Variants in SDK1 observed in about 807,000 individuals in gnomAD.
SDK1 encodes protein sidekick-1.
SDK1 carries 157 observed loss-of-function variants against 245.5 expected under a neutral mutation model. That is an observed-to-expected ratio of 0.64 (90% CI 0.56 to 0.73). The LOEUF (loss-of-function observed/expected upper bound fraction) is 0.73, where lower values mean the gene tolerates loss of function less well. Ranked by LOEUF, SDK1 falls within the 30% of genes least tolerant of loss-of-function variation. The pLI, the probability that SDK1 is intolerant of heterozygous loss-of-function variation, is 0.00. For synonymous variants in SDK1, 1,647 were observed against 1,278.5 expected (o/e 1.29, Z -6.15); for missense variants, 3,583 against 3,002.3 (o/e 1.19, Z -4.52).
At position 3,696,572 on chromosome 7, in the gene SDK1, TTGTGTG is replaced by T. The variant is rs71552319; in HGVS notation, c.713+54491_713+54496del. Among the ~76,000 whole-genome samples the T allele has an allele frequency of 2.2e-4, 32 of 147,974 alleles. No homozygotes were observed. In the East Asian group the frequency reaches 2.4e-3, roughly 11 times the overall value. On this transcript the variant is annotated intron_variant, in intron 4 of 44. Coordinates refer to ENST00000404826, the MANE Select transcript of SDK1 (RefSeq NM_152744.4). ...TCACAGAGCTTACATTTCTCTGTGTTTGTGTGTGTGTGTGTGTGTGTGTGTGTGTTG... is the reference window on the plus strand; with the variant it reads ...TCACAGAGCTTACATTTCTCTGTGTTTGTGTGTGTGTGTGTGTGTGTGTTG...
At chr7:3,848,877 G>C (rs1780347742) in intron 5 of SDK1, among the ~76,000 whole-genome samples, 1 of 152,118 alleles carries the variant, frequency 6.6e-6, no homozygotes, top group Non-Finnish European at 1.5e-5. Flanking sequence ...TCGCCATGTT[G>C]ACCAGGCTGG....
chr7:3,349,825 AT>A (rs1780609963), intron 1 of SDK1, among the ~76,000 whole-genome samples: 2 of 151,940 alleles, frequency 1.3e-5, no homozygotes, highest in South Asian at 4.2e-4. Context: ...GATGGTCTCG[AT>A]CTCCTGACCT....
chr7:4,232,778 C>A (rs1383631529), intron 40 of SDK1: 1 of 153,126 alleles, frequency 6.5e-6, no homozygotes, highest in Non-Finnish European at 1.5e-5. Flanking sequence ...TGATTCTTTA[C>A]AACAAATCTC....
intron 1 of SDK1, among the ~76,000 whole-genome samples, chr7:3,518,896 A>G (rs1424259507): frequency 6.6e-6 from 1 of 152,140 alleles, no homozygotes; most frequent in Non-Finnish European, 1.5e-5. Context: ...GAAGTAACCC[A>G]TGTCCAACAA....
At chr7:4,242,706 G>T (rs560519957) in intron 43 of SDK1, among the ~76,000 whole-genome samples, 3 of 152,320 alleles carry the variant, frequency 2.0e-5, no homozygotes, top group African/African-American at 7.2e-5. Flanking sequence ...ACTCACCTTG[G>T]ATTAGACTCA....
intron 20 of SDK1, among the ~76,000 whole-genome samples, chr7:4,069,746 G>A (rs987474231): frequency 6.6e-6 from 1 of 152,250 alleles, no homozygotes; most frequent in Non-Finnish European, 1.5e-5. Flanking sequence ...GATGACAGCG[G>A]CAATGATGAC....
chr7:3,662,241 G>A lies in SDK1; in HGVS notation c.713+20136G>A, dbSNP rs547707909. On this transcript the variant is annotated intron_variant, in intron 4 of 44. Coordinates refer to ENST00000404826, the MANE Select transcript of SDK1 (RefSeq NM_152744.4). ...GGATCAGTGTTGAAATGGGTCCTACGGGAAAAGTTGTAACTAAGTTATGCA... is the reference window on the plus strand; with the variant it reads ...GGATCAGTGTTGAAATGGGTCCTACAGGAAAAGTTGTAACTAAGTTATGCA... Among the ~76,000 whole-genome samples, 5 of 152,206 alleles carry A rather than the reference G, an allele frequency of 3.3e-5. No individual in the cohort carries two copies. In the East Asian group the frequency reaches 7.7e-4, roughly 24 times the overall value.
intron 4 of SDK1, among the ~76,000 whole-genome samples, chr7:3,682,115 T>C (rs1313505487): frequency 6.6e-6 from 1 of 152,226 alleles, no homozygotes; most frequent in African/African-American, 2.4e-5. Context: ...GTGAAGATTA[T>C]GATGCTAAAA....
intron 1 of SDK1, among the ~76,000 whole-genome samples, chr7:3,438,438 A>G (rs1329864606): frequency 1.3e-5 from 2 of 152,178 alleles, no homozygotes; most frequent in African/African-American, 4.8e-5. Context: ...AAGCTTCATA[A>G]ATGTTACGTT....
chr7:3,696,530 G>C (rs1484253836), intron 4 of SDK1, among the ~76,000 whole-genome samples: 1 of 151,008 alleles, frequency 6.6e-6, no homozygotes, highest in African/African-American at 2.4e-5. Flanking sequence ...GTAATATGTA[G>C]TCCAACTTTC....
intron 8 of SDK1, among the ~76,000 whole-genome samples, chr7:3,962,265 C>G (rs1423079664): frequency 6.6e-6 from 1 of 152,230 alleles, no homozygotes; most frequent in Non-Finnish European, 1.5e-5. Context: ...TGTCCTCTGC[C>G]CCTATGACCC....
intron 2 of SDK1, among the ~76,000 whole-genome samples, chr7:3,631,146 C>G (rs902733473): frequency 6.6e-6 from 1 of 152,144 alleles, no homozygotes; most frequent in African/African-American, 2.4e-5. Flanking sequence ...GTTGCCCAGG[C>G]TGGTCTCGAA....
intron 1 of SDK1, among the ~76,000 whole-genome samples, chr7:3,573,046 C>T (rs140279807): frequency 3.3e-5 from 5 of 152,140 alleles, no homozygotes; most frequent in African/African-American, 1.2e-4. Context: ...TTTATGCAGC[C>T]CAGGCACAGC....
intron 9 of SDK1, among the ~76,000 whole-genome samples, chr7:3,966,624 T>G (rs1243879354): frequency 1.3e-5 from 2 of 152,128 alleles, no homozygotes; most frequent in African/African-American, 2.4e-5. Flanking sequence ...GAACAGATCC[T>G]AGAAAGCATC....
At chr7:4,139,028 C>T (rs1414595370) in intron 28 of SDK1, among the ~76,000 whole-genome samples, 2 of 152,242 alleles carry the variant, frequency 1.3e-5, no homozygotes, top group Non-Finnish European at 2.9e-5. Context: ...CGCTGAGAGG[C>T]AGTGGGCGCA....
At chr7:4,195,570 G>A (rs908469431) in intron 35 of SDK1, among the ~76,000 whole-genome samples, 1 of 152,128 alleles carries the variant, frequency 6.6e-6, no homozygotes, top group Non-Finnish European at 1.5e-5. Flanking sequence ...TCTGCCGGGC[G>A]CACCCACAAG....
At chr7:3,576,223 A>C (rs1414315390) in intron 1 of SDK1, among the ~76,000 whole-genome samples, 1 of 152,124 alleles carries the variant, frequency 6.6e-6, no homozygotes, top group African/African-American at 2.4e-5. Flanking sequence ...TGCCATTCAG[A>C]CTTCTCTTTT....
chr7:3,957,255 G>C (rs1279103805), intron 7 of SDK1, among the ~76,000 whole-genome samples: 1 of 152,164 alleles, frequency 6.6e-6, no homozygotes, highest in African/African-American at 2.4e-5. Flanking sequence ...ATGTTGCATG[G>C]GACGTGCATG....
intron 1 of SDK1, among the ~76,000 whole-genome samples, chr7:3,459,622 T>C (rs1220152427): frequency 1.3e-5 from 2 of 152,210 alleles, no homozygotes; most frequent in South Asian, 2.1e-4. Flanking sequence ...CTCTCTTTTT[T>C]AAAATCAGGG....
Sources: gnomAD v4.1 joint callset for allele counts (sites outside exome capture counted in the v4.1 genomes callset) on GRCh38, gnomAD v4.1.1 for gene constraint, MANE v1.5 for transcripts, NCBI Gene and HGNC (gene_info 2026-07-23, HGNC 2026-07-21) for gene names.